Variants in ME1 observed in about 807,000 individuals in gnomAD.
The protein encoded by ME1 is NADP-dependent malic enzyme.
Under a neutral mutation model 66.4 loss-of-function variants are expected in ME1, and 74 were observed. The ratio of observed to expected loss-of-function variants is 1.11; its 90% CI spans 0.92 to 1.35. The LOEUF (loss-of-function observed/expected upper bound fraction) is 1.35, where lower values mean the gene tolerates loss of function less well. Among genes scored for constraint, ME1 ranks in the 40% most tolerant of loss-of-function variants. ME1 has a pLI of 0.00. For missense variants in ME1, 750 were observed against 694.1 expected, an observed-to-expected ratio of 1.08 and a Z score of -0.90; for synonymous variants, 251 against 235.6, an observed-to-expected ratio of 1.07 and a Z score of -0.60.
At chr6:83,261,789 G>A (rs1216594675) in intron 6 of ME1, among the ~76,000 whole-genome samples, 3 of 152,002 alleles carry the variant, frequency 2.0e-5, no homozygotes, top group African/African-American at 7.2e-5. Flanking sequence ...CGAGGCAGAT[G>A]GATCACCTGA....
chr6:83,357,258 C>T (rs116821201), intron 3 of ME1, among the ~76,000 whole-genome samples: 4,179 of 152,218 alleles, frequency 0.027, 194 homozygotes, highest in African/African-American at 0.092. Flanking sequence ...GTCCTCCAGG[C>T]TTCTTTACTG....
At chr6:83,397,535 C>G (rs1769759399) in intron 3 of ME1, among the ~76,000 whole-genome samples, 1 of 152,012 alleles carries the variant, frequency 6.6e-6, no homozygotes, top group Non-Finnish European at 1.5e-5. Flanking sequence ...GGAATGTAAA[C>G]TAGTAAATCT....
chr6:83,325,948 C>CAAAAA (rs199839173), intron 5 of ME1, among the ~76,000 whole-genome samples: 4 of 120,814 alleles, frequency 3.3e-5, no homozygotes, highest in South Asian at 2.8e-4. Context: ...ACGAAGCAAA[C>CAAAAA]AAAAAAAAAA....
chr6:83,414,904 A>G (rs991979858), intron 1 of ME1, among the ~76,000 whole-genome samples: 8 of 152,196 alleles, frequency 5.3e-5, no homozygotes, highest in African/African-American at 1.7e-4. Flanking sequence ...AATAGAGAAA[A>G]GTATCTGTTA....
In ME1 at chr6:83,234,955, T is replaced by G. The variant is rs6929285; in HGVS notation, c.1026+2762A>C. ...AACAAAATATTTGTTGTCAGGCATGTACTACACACTGTATAGAACTTTGAA... is the reference window on the plus strand; with the variant it reads ...AACAAAATATTTGTTGTCAGGCATGGACTACACACTGTATAGAACTTTGAA... On this transcript the variant is annotated intron_variant, in intron 9 of 13. Transcript: ENST00000369705. Among the ~76,000 whole-genome samples, 403 of 152,336 alleles carry G rather than the reference T, an allele frequency of 2.6e-3. 4 individuals carry two copies. Among genetic ancestry groups the G allele is most frequent in the African/African-American group, 9.4e-3 (389 of 41,564 alleles).
chr6:83,235,891 T>C (rs1252022029), intron 9 of ME1, among the ~76,000 whole-genome samples: 2 of 152,130 alleles, frequency 1.3e-5, no homozygotes, highest in Non-Finnish European at 2.9e-5. Flanking sequence ...TATTTATGTA[T>C]ATTAATTTTA....
At chr6:83,259,910 A>G (rs997345591) in intron 6 of ME1, among the ~76,000 whole-genome samples, 1 of 152,088 alleles carries the variant, frequency 6.6e-6, no homozygotes, top group Non-Finnish European at 1.5e-5. Context: ...TCATCCCCTC[A>G]AGTTTCTTGT....
intron 3 of ME1, among the ~76,000 whole-genome samples, chr6:83,375,276 A>T (rs1028558382): frequency 2.0e-5 from 3 of 152,106 alleles, no homozygotes; most frequent in Non-Finnish European, 4.4e-5. Flanking sequence ...CTCCTCGAGC[A>T]GTGGTTTGTA....
At chr6:83,334,135 G>A (rs1030019297) in intron 5 of ME1, among the ~76,000 whole-genome samples, 3 of 152,196 alleles carry the variant, frequency 2.0e-5, no homozygotes, top group African/African-American at 4.8e-5. Context: ...GAAGCAGGTC[G>A]AGGCATTGCC....
At chr6:83,353,145 T>C (rs1476313758) in intron 3 of ME1, among the ~76,000 whole-genome samples, 1 of 152,248 alleles carries the variant, frequency 6.6e-6, no homozygotes, top group African/African-American at 2.4e-5. Flanking sequence ...GGTTAACATG[T>C]TAATCTTTCT....
chr6:83,300,417 A>G (rs1767692773), intron 6 of ME1, among the ~76,000 whole-genome samples: 1 of 152,108 alleles, frequency 6.6e-6, no homozygotes, highest in African/African-American at 2.4e-5. Context: ...GCTTCTCCAC[A>G]GCAAAAGAAA....
intron 6 of ME1, among the ~76,000 whole-genome samples, chr6:83,275,315 C>G (rs934587969): frequency 6.7e-6 from 1 of 149,398 alleles, no homozygotes; most frequent in East Asian, 2.0e-4. Flanking sequence ...GCCTGGGGGA[C>G]AGAGTGAGAC....
chr6:83,231,794 C>T (rs1440341260), intron 9 of ME1, among the ~76,000 whole-genome samples: 1 of 152,024 alleles, frequency 6.6e-6, no homozygotes, highest in Non-Finnish European at 1.5e-5. Flanking sequence ...TGCATGTGGG[C>T]ACCTCTCACC....
intron 5 of ME1, among the ~76,000 whole-genome samples, chr6:83,343,642 T>G (rs1458609795): frequency 6.6e-6 from 1 of 152,160 alleles, no homozygotes. Flanking sequence ...GAGAAAAAGC[T>G]AGATCTACAG....
intron 7 of ME1, among the ~76,000 whole-genome samples, chr6:83,250,620 T>C (rs2179847): frequency 0.086 from 13,120 of 152,284 alleles, 797 homozygotes; most frequent in African/African-American, 0.16. Context: ...ACCTGTCTAC[T>C]TCTAACTTCA....
intron 1 of ME1, among the ~76,000 whole-genome samples, chr6:83,424,815 A>G (rs1770337446): frequency 6.6e-6 from 1 of 152,208 alleles, no homozygotes; most frequent in South Asian, 2.1e-4. Flanking sequence ...TCCAAAATCA[A>G]GGTGTCTGGA....
At chr6:83,348,960 G>A (rs1454980700) in intron 4 of ME1, among the ~76,000 whole-genome samples, 1 of 134,592 alleles carries the variant, frequency 7.4e-6, no homozygotes, top group African/African-American at 3.0e-5. Context: ...TTCCAGCCTG[G>A]GCAACAAGAG....
intron 3 of ME1, among the ~76,000 whole-genome samples, chr6:83,383,903 T>C (rs376022474): frequency 2.0e-5 from 3 of 151,904 alleles, no homozygotes; most frequent in East Asian, 1.9e-4. Flanking sequence ...AATTTTACCA[T>C]AGCAAAGATA....
intron 7 of ME1, among the ~76,000 whole-genome samples, chr6:83,250,548 C>T (rs935853707): frequency 2.0e-5 from 3 of 152,222 alleles, no homozygotes; most frequent in Admixed American, 6.5e-5. Context: ...TCTAGTTCTT[C>T]AAGGCAAAAG....
Sources: allele counts gnomAD v4.1 joint callset (sites outside exome capture counted in the v4.1 genomes callset), GRCh38; gene constraint gnomAD v4.1.1; transcripts MANE v1.5; gene names NCBI Gene and HGNC (gene_info 2026-07-23, HGNC 2026-07-21).